The following INVS variants were observed in gnomAD, a reference collection of about 807,000 sequenced individuals.
The protein encoded by INVS is inversin.
Under a neutral mutation model 108.8 loss-of-function variants are expected in INVS, and 86 were observed. That is an observed-to-expected ratio of 0.79 (90% CI 0.66 to 0.95). INVS has a LOEUF of 0.95. Ranked by LOEUF, INVS falls within the 40% of genes least tolerant of loss-of-function variation. INVS has a pLI of 0.00. For missense variants in INVS, 1,169 were observed against 1,297.4 expected (o/e 0.90, Z 1.52); for synonymous variants, 455 against 473.5 (o/e 0.96, Z 0.51).
chr9:100,116,615 T>G, intron 2 of INVS: 1 of 306,724 alleles, frequency 3.3e-6, no homozygotes. Context: ...TTGTATCATA[T>G]CTAAGAAATC....
At chr9:100,100,986 ATATATGTATATATAATATATATAT>A (rs1826957123) in intron 1 of INVS, among the ~76,000 whole-genome samples, 2 of 73,636 alleles carry the variant, frequency 2.7e-5, no homozygotes, top group Non-Finnish European at 4.6e-5. Flanking sequence ...TATATATAAT[ATATATGTATATATAATATATATAT>A]TATATGTATA....
At chr9:100,275,695 AAATG>A (rs1224353417) in intron 12 of INVS, among the ~76,000 whole-genome samples, 1 of 152,218 alleles carries the variant, frequency 6.6e-6, no homozygotes, top group African/African-American at 2.4e-5. Flanking sequence ...ATTTTCCTCA[AAATG>A]AGGATGTGAA....
intron 4 of INVS, among the ~76,000 whole-genome samples, chr9:100,226,671 G>A (rs1831332368): frequency 6.6e-6 from 1 of 151,804 alleles, no homozygotes; most frequent in Non-Finnish European, 1.5e-5. Flanking sequence ...AAATTAGCCG[G>A]GCATGTTGGC....
intron 12 of INVS, among the ~76,000 whole-genome samples, chr9:100,279,854 G>A (rs1833224344): frequency 6.6e-6 from 1 of 152,140 alleles, no homozygotes; most frequent in Admixed American, 6.6e-5. Flanking sequence ...TGTCAAAAGT[G>A]GGCAAATAGA....
intron 12 of INVS, among the ~76,000 whole-genome samples, chr9:100,273,728 G>C (rs570321759): frequency 4.7e-5 from 7 of 148,982 alleles, no homozygotes; most frequent in African/African-American, 1.7e-4. Context: ...AGTAGAGATG[G>C]GGTTTCACCA....
chr9:100,126,246 C>T (rs1564123462), intron 2 of INVS, 137 bp from the exon 3 acceptor site: 1 of 722,538 alleles, frequency 1.4e-6, no homozygotes, highest in Admixed American at 2.4e-5. Context: ...GTAATATCTA[C>T]TTCTTAGGAC....
chr9:100,207,537 C>T (rs937584925), intron 3 of INVS, among the ~76,000 whole-genome samples: 1 of 152,158 alleles, frequency 6.6e-6, no homozygotes, highest in Non-Finnish European at 1.5e-5. Context: ...AGGTGATTCA[C>T]CTGCCTCATT....
At chr9:100,117,025 G>T in intron 2 of INVS, 1 of 1,431,274 alleles carries the variant, frequency 7.0e-7, no homozygotes, top group Non-Finnish European at 9.6e-7. Flanking sequence ...CCGAGACAAT[G>T]CCAGTGCCCC....
chr9:100,268,067 G>T (rs776190105), intron 11 of INVS, among the ~76,000 whole-genome samples: 1 of 152,060 alleles, frequency 6.6e-6, no homozygotes, highest in South Asian at 2.1e-4. Context: ...TGGCTCTCTC[G>T]CAAGAAACAA....
chr9:100,291,248 G>C (rs936089639), intron 13 of INVS, among the ~76,000 whole-genome samples: 1 of 151,962 alleles, frequency 6.6e-6, no homozygotes, highest in Non-Finnish European at 1.5e-5. Context: ...ATTTTTAGTA[G>C]AGACGAGATT....
chr9:100,147,171 T>C (rs1156785825), intron 3 of INVS, among the ~76,000 whole-genome samples: 1 of 152,216 alleles, frequency 6.6e-6, no homozygotes, highest in East Asian at 1.9e-4. Context: ...AAAACACAAC[T>C]ATATGCTTAG....
chr9:100,216,860 A>G lies in INVS; in HGVS notation c.274-9202A>G, dbSNP rs185488396. ...GTGGCTTGCTTTAATCCCACCTCTCACCATTCAGACTCATTAACAGAGAGA... is the reference window on the plus strand; with the variant it reads ...GTGGCTTGCTTTAATCCCACCTCTCGCCATTCAGACTCATTAACAGAGAGA... On this transcript the variant is annotated intron_variant, in intron 3 of 16. Transcript: ENST00000262457. 3.7e-3 allele frequency among the ~76,000 whole-genome samples: 562 copies of G among 152,236 alleles called. 2 individuals carry two copies. Among genetic ancestry groups the G allele is most frequent in the Non-Finnish European group, 5.3e-3 (363 of 68,018 alleles).
intron 3 of INVS, among the ~76,000 whole-genome samples, chr9:100,142,752 A>G (rs1341199377): frequency 6.6e-6 from 1 of 152,158 alleles, no homozygotes; most frequent in Non-Finnish European, 1.5e-5. Flanking sequence ...AGGGCCTTTA[A>G]AAGTATTAAG....
chr9:100,142,743 G>C (rs1828472456), intron 3 of INVS, among the ~76,000 whole-genome samples: 1 of 152,148 alleles, frequency 6.6e-6, no homozygotes, highest in Non-Finnish European at 1.5e-5. Context: ...GTGATTTTTA[G>C]GGCCTTTAAA....
intron 5 of INVS, among the ~76,000 whole-genome samples, chr9:100,231,063 A>G (rs1363340718): frequency 6.6e-6 from 1 of 152,220 alleles, no homozygotes; most frequent in Admixed American, 6.5e-5. Context: ...TTGATTACAT[A>G]TCTAACTAAT....
intron 12 of INVS, among the ~76,000 whole-genome samples, chr9:100,274,725 G>A (rs370942682): frequency 5.5e-4 from 83 of 152,224 alleles, no homozygotes; most frequent in African/African-American, 1.9e-3. Context: ...GGCTGGTCTC[G>A]AACTCCTGAC....
intron 3 of INVS, among the ~76,000 whole-genome samples, chr9:100,150,012 T>TA (rs1056630452): frequency 2.6e-5 from 4 of 152,174 alleles, no homozygotes; most frequent in Admixed American, 2.6e-4. Flanking sequence ...TCCTAAAGCT[T>TA]ACTTTCTCAG....
chr9:100,298,072 T>A (rs1833842880), intron 16 of INVS, 62 bp downstream of exon 16: 1 of 1,612,616 alleles, frequency 6.2e-7, no homozygotes. Context: ...TTCCTTTGTT[T>A]CATCCCCAAA....
At position 100,292,943 on chromosome 9, in the gene INVS, G is replaced by A. The variant is rs114847355; in HGVS notation, c.2686G>A (p.Val896Ile). 1.1e-4 allele frequency: 177 copies of A among 1,613,202 alleles called. No homozygotes were observed. In the African/African-American group the frequency reaches 1.6e-3, roughly 14 times the overall value. Reference sequence around the variant, plus strand: ...GAGTGTGAATATTGACCTTCTCCCCGTAGAGCTCCGACTGCAGATAATTCA... The same window carrying A: ...GAGTGTGAATATTGACCTTCTCCCCATAGAGCTCCGACTGCAGATAATTCA... ...GQSVNIDLLP[V>I]ELRLQIIQRE... Residue 896 changes from valine to isoleucine, a missense_variant, in exon 14 of 17, where the codon GTA (valine) becomes ATA (isoleucine). This residue lies in a region of INVS where 533 missense variants were observed against 536.0 expected (regional missense o/e 0.99). Transcript: ENST00000262457.
Sources: allele counts gnomAD v4.1 joint callset (sites outside exome capture counted in the v4.1 genomes callset), GRCh38; gene constraint gnomAD v4.1.1; regional missense constraint gnomAD v4.1.1; transcripts MANE v1.5; gene names NCBI Gene and HGNC (gene_info 2026-07-23, HGNC 2026-07-21).